RMND1: variants seen among roughly 807,000 people sequenced by gnomAD.
The protein encoded by RMND1 is required for meiotic nuclear division protein 1 homolog.
Under a neutral mutation model 54.0 loss-of-function variants are expected in RMND1, and 41 were observed. That is an observed-to-expected ratio of 0.76 (90% confidence interval 0.59 to 0.98). The LOEUF (loss-of-function observed/expected upper bound fraction) is 0.98. Among genes scored for constraint, RMND1 ranks in the 50% least tolerant of loss-of-function variants. The pLI, the probability that RMND1 is intolerant of heterozygous loss-of-function variation, is 0.00. For synonymous variants in RMND1, 183 were observed against 181.7 expected (o/e 1.01, Z -0.06); for missense variants, 457 against 532.0 (o/e 0.86, Z 1.39).
chr6:151,421,334 G>C lies in RMND1; in HGVS notation c.1003-13C>G. 1 of 1,598,362 alleles carries C rather than the reference G, an allele frequency of 6.3e-7. No individual in the cohort carries two copies. Among genetic ancestry groups the C allele is most frequent in the Non-Finnish European group, 8.5e-7 (1 of 1,173,068 alleles). On this transcript the variant is annotated splice_polypyrimidine_tract_variant and intron_variant, in intron 8 of 11. Coordinates refer to ENST00000444024, the MANE Select transcript of RMND1 (RefSeq NM_017909.4). The stretch of plus-strand genomic sequence containing the variant: ...CAGCTTTTAAAGCCTAGTTGAGAGG[G>C]AATCGGAAAAACCAAAAAACCATGT...
At chr6:151,451,667 T>C (rs1184185712) in intron 1 of RMND1, among the ~76,000 whole-genome samples, 1 of 152,178 alleles carries the variant, frequency 6.6e-6, no homozygotes, top group Non-Finnish European at 1.5e-5. Context: ...CCCGGGCACA[T>C]TTCAACTTTT....
In RMND1 at chr6:151,405,121, T is replaced by C; in HGVS notation, c.*114A>G. ...TGATCTCATCTCAAGCCACCCTTCTTGGCCTCCGAAAGTGCTGGGATTACA... is the reference window on the plus strand; with the variant it reads ...TGATCTCATCTCAAGCCACCCTTCTCGGCCTCCGAAAGTGCTGGGATTACA... On this transcript the variant is annotated 3_prime_UTR_variant, in exon 12 of 12. Coordinates refer to ENST00000444024, the MANE Select transcript of RMND1 (RefSeq NM_017909.4). 1 of 854,628 alleles carries C rather than the reference T, an allele frequency of 1.2e-6. No homozygotes were observed. The highest frequency in any genetic ancestry group is 1.5e-5 in the South Asian group (1 of 65,780). The allele number at this position is 854,628 out of a possible 1,614,324, so 52.9% of individuals were successfully genotyped here.
chr6:151,406,801 C>T (rs1779640203), intron 10 of RMND1, among the ~76,000 whole-genome samples: 1 of 152,090 alleles, frequency 6.6e-6, no homozygotes, highest in Non-Finnish European at 1.5e-5. Flanking sequence ...ATCACAGGTA[C>T]GTGTTCAGGG....
intron 2 of RMND1, among the ~76,000 whole-genome samples, chr6:151,437,238 A>G (rs1780640220): frequency 6.6e-6 from 1 of 152,210 alleles, no homozygotes; most frequent in Non-Finnish European, 1.5e-5. Flanking sequence ...TCTGATACCA[A>G]TTTAGTTGGC....
At chr6:151,445,104 T>G (rs890107170) in intron 2 of RMND1, 2 of 516,846 alleles carry the variant, frequency 3.9e-6, no homozygotes, top group Non-Finnish European at 6.7e-6. Context: ...ATCACCTGTA[T>G]TTTGTTTTTA....
chr6:151,419,022 G>A (rs371698243), intron 9 of RMND1, among the ~76,000 whole-genome samples: 1 of 151,542 alleles, frequency 6.6e-6, no homozygotes, highest in African/African-American at 2.4e-5. Context: ...CACTGGCCTC[G>A]GCCTCCCAAA....
chr6:151,413,257 T>C (rs1287278682), intron 10 of RMND1, among the ~76,000 whole-genome samples: 1 of 152,198 alleles, frequency 6.6e-6, no homozygotes. Flanking sequence ...TGTTTCTTTT[T>C]TCTTTTTATT....
intron 10 of RMND1, among the ~76,000 whole-genome samples, chr6:151,409,785 G>T (rs1437820025): frequency 6.6e-6 from 1 of 152,178 alleles, no homozygotes; most frequent in Non-Finnish European, 1.5e-5. Context: ...GGTGGGATTA[G>T]AAGTCACGAC....
intron 2 of RMND1, among the ~76,000 whole-genome samples, chr6:151,438,198 G>T (rs926211014): frequency 1.3e-5 from 2 of 152,228 alleles, no homozygotes; most frequent in Non-Finnish European, 2.9e-5. Context: ...GCTGATGTAC[G>T]ATGTGTGTAA....
intron 9 of RMND1, among the ~76,000 whole-genome samples, chr6:151,420,385 T>C (rs942955668): frequency 6.6e-6 from 1 of 152,184 alleles, no homozygotes; most frequent in African/African-American, 2.4e-5. Flanking sequence ...AAGGAGAATA[T>C]GGAAAAACAA....
Position 151,433,232 on chromosome 6 carries a change from T to C in RMND1, c.614-2A>G. 6.2e-7 allele frequency: 1 copy of C among 1,607,112 alleles called. No homozygotes were observed. The highest frequency in any genetic ancestry group is 8.5e-7 in the Non-Finnish European group (1 of 1,175,114). On this transcript the variant is annotated splice_acceptor_variant, in intron 3 of 11. Transcript: ENST00000444024. LOFTEE classifies it high-confidence loss of function. ...CCATCACCAAAATATTTGCTGCATCTGTGATTTAAAATAAACGAACAAAAA... is the reference window on the plus strand; with the variant it reads ...CCATCACCAAAATATTTGCTGCATCCGTGATTTAAAATAAACGAACAAAAA...
chr6:151,422,773 T>C (rs551550953), intron 7 of RMND1, among the ~76,000 whole-genome samples, 168 bp from the exon 8 acceptor site: 1 of 152,152 alleles, frequency 6.6e-6, no homozygotes, highest in Non-Finnish European at 1.5e-5. Context: ...AAGGACAGAA[T>C]TAAAGTGGAT....
chr6:151,443,594 G>C (rs1172044839), intron 2 of RMND1, among the ~76,000 whole-genome samples: 2 of 152,172 alleles, frequency 1.3e-5, no homozygotes, highest in Non-Finnish European at 2.9e-5. Context: ...ACAGCTGTGA[G>C]CCACCGCCCA....
At chr6:151,425,565 G>A (rs937596278) in intron 6 of RMND1, among the ~76,000 whole-genome samples, 22 of 152,112 alleles carry the variant, frequency 1.4e-4, no homozygotes, top group African/African-American at 5.3e-4. Context: ...ACACAGAAAG[G>A]GGATTCACAG....
At position 151,427,519 on chromosome 6, in the gene RMND1, G is replaced by A; in HGVS notation, c.793C>T (p.His265Tyr). ...TAGTTAAGTTCTTCATTTTCCCAGT[G>A]TACCAGTGCGATTTCATAGGGCTGA... ...EIQPYEIALV[H>Y]WENEELNYIK... Residue 265 changes from histidine (H) to tyrosine (Y), a missense_variant, in exon 6 of 12, where the codon CAC (histidine) becomes TAC (tyrosine). Physicochemically the swap from His to Tyr is moderately conservative, Grantham distance 83 (BLOSUM62 2). Coordinates refer to ENST00000444024, the MANE Select transcript of RMND1 (RefSeq NM_017909.4). 6.2e-7 allele frequency: 1 copy of A among 1,611,832 alleles called. No individual in the cohort carries two copies.
chr6:151,428,316 A>C (rs758790060), intron 5 of RMND1, among the ~76,000 whole-genome samples: 2 of 152,164 alleles, frequency 1.3e-5, no homozygotes, highest in Admixed American at 1.3e-4. Context: ...CTTTTTATGT[A>C]AAATAGGATC....
intron 10 of RMND1, among the ~76,000 whole-genome samples, chr6:151,406,149 A>G (rs1562780011): frequency 1.3e-5 from 2 of 152,122 alleles, no homozygotes; most frequent in East Asian, 1.9e-4. Context: ...CTTGAAACAT[A>G]ATGTTTTTTA....
intron 10 of RMND1, among the ~76,000 whole-genome samples, chr6:151,409,690 C>A (rs1169694307): frequency 2.0e-5 from 3 of 152,120 alleles, no homozygotes; most frequent in Non-Finnish European, 2.9e-5. Context: ...TGAGGAAGAT[C>A]TGTGAGATTG....
chr6:151,433,007 A>G (rs1780489732), intron 4 of RMND1, 148 bp downstream of exon 4: 1 of 534,070 alleles, frequency 1.9e-6, no homozygotes, highest in Non-Finnish European at 3.3e-6. Flanking sequence ...AAACTCTCCT[A>G]GATTAAATAA....
Sources: allele counts gnomAD v4.1 joint callset (sites outside exome capture counted in the v4.1 genomes callset), GRCh38; gene constraint gnomAD v4.1.1; transcripts MANE v1.5; gene names NCBI Gene and HGNC (gene_info 2026-07-23, HGNC 2026-07-21).